The following MAP6 variants were observed in gnomAD, a reference collection of about 807,000 sequenced individuals.
MAP6 encodes the protein microtubule associated protein 6.
A neutral mutation model predicts 42.4 loss-of-function variants in MAP6; 26 were observed. That is an observed-to-expected ratio of 0.61 (90% CI 0.45 to 0.85). MAP6 has a LOEUF of 0.85. MAP6 is among the 40% of genes least tolerant of loss of function. The pLI is 0.00. For missense variants in MAP6, 966 were observed against 1,099.0 expected (o/e 0.88, Z 1.71); for synonymous variants, 418 against 443.8 (o/e 0.94, Z 0.73).
chr11:75,617,281 C>T (rs951076555), intron 1 of MAP6, among the ~76,000 whole-genome samples: 1 of 152,124 alleles, frequency 6.6e-6, no homozygotes, highest in Non-Finnish European at 1.5e-5. Flanking sequence ...CCCTGGGAGG[C>T]CAAGGCCGGC....
intron 3 of MAP6, among the ~76,000 whole-genome samples, chr11:75,588,581 C>A (rs1251460789): frequency 6.6e-6 from 1 of 152,152 alleles, no homozygotes; most frequent in Non-Finnish European, 1.5e-5. Context: ...GGAGCCCCAT[C>A]TCAGCTGCCC....
chr11:75,593,863 C>A (rs1942526591), intron 3 of MAP6, among the ~76,000 whole-genome samples: 1 of 152,210 alleles, frequency 6.6e-6, no homozygotes, highest in African/African-American at 2.4e-5. Flanking sequence ...GCTTGAGGCC[C>A]AGAGAGCTGG....
At position 75,668,560 on chromosome 11, in the gene MAP6, G is replaced by A. The variant is rs1309141432; in HGVS notation, c.-191C>T. The A allele has an allele frequency of 1.4e-6, 1 of 693,752 alleles. No individual in the cohort carries two copies. The highest frequency in any genetic ancestry group is 2.0e-6 in the Non-Finnish European group (1 of 498,756). 43.0% of individuals were successfully genotyped at this position (693,752 alleles called of 1,614,324 possible). The stretch of plus-strand genomic sequence containing the variant: ...GAGAGCTGTCCTAGGAGAGTCTGTA[G>A]AGTCCCTCGATTACCGGTCGCAAAC... On this transcript the variant is annotated 5_prime_UTR_variant, in exon 1 of 4. Transcript: ENST00000304771.
intron 3 of MAP6, among the ~76,000 whole-genome samples, chr11:75,589,244 G>T (rs1188196428): frequency 6.6e-6 from 1 of 152,166 alleles, no homozygotes; most frequent in Admixed American, 6.5e-5. Context: ...CCTCACTGTG[G>T]CCGTCTGCCT....
Position 75,598,675 on chromosome 11 carries a change from A to T in MAP6, c.1316+7133T>A, listed in dbSNP as rs143807058. Among the ~76,000 whole-genome samples the T allele has an allele frequency of 1.1e-4, 17 of 152,338 alleles. No individual in the cohort carries two copies. In the East Asian group the frequency reaches 3.3e-3, roughly 29 times the overall value. The stretch of plus-strand genomic sequence containing the variant: ...GTGGAGGCAGACAGTGAATCTCATC[A>T]TTCATTCACTCACTCATTTTTCATT... On this transcript the variant is annotated intron_variant, in intron 3 of 3. Transcript: ENST00000304771.
intron 1 of MAP6, among the ~76,000 whole-genome samples, chr11:75,646,921 G>A (rs1303965213): frequency 6.6e-6 from 1 of 152,028 alleles, no homozygotes; most frequent in Non-Finnish European, 1.5e-5. Flanking sequence ...AAGCAAAGAT[G>A]AGGTAAAATA....
chr11:75,615,547 C>A (rs1049129873), intron 1 of MAP6, among the ~76,000 whole-genome samples: 3 of 152,184 alleles, frequency 2.0e-5, no homozygotes, highest in Admixed American at 6.5e-5. Flanking sequence ...CTTCCCTCCA[C>A]AGACCTTGTT....
intron 1 of MAP6, among the ~76,000 whole-genome samples, chr11:75,666,793 C>G (rs919766651): frequency 1.2e-4 from 19 of 152,280 alleles, no homozygotes; most frequent in African/African-American, 4.3e-4. Context: ...TAAGAGATGT[C>G]TATTACCAAT....
chr11:75,653,534 G>T (rs1007839398), intron 1 of MAP6, among the ~76,000 whole-genome samples: 2 of 152,188 alleles, frequency 1.3e-5, no homozygotes, highest in Admixed American at 1.3e-4. Context: ...TCAAAGCACA[G>T]AAACATTTCT....
chr11:75,668,311 T>A lies in MAP6; in HGVS notation c.59A>T (p.Asp20Val). The change falls in exon 1 of 4, where the codon GAC (aspartate) becomes GTC (valine). Residue 20 changes from aspartate (D) to valine (V), a missense_variant. This residue lies in a region of MAP6 where 23 missense variants were observed against 49.1 expected (regional missense o/e 0.47). Coordinates refer to ENST00000304771, the MANE Select transcript of MAP6 (RefSeq NM_033063.2). ...CCIARFWNQL[D>V]KADIAVPLVF... ...CAGCGGCACAGCGATGTCCGCTTTG[T>A]CCAACTGGTTCCAGAAGCGGGCGAT... 1.9e-6 allele frequency: 3 copies of A among 1,576,902 alleles called. No homozygotes were observed. The highest frequency in any genetic ancestry group is 2.6e-6 in the Non-Finnish European group (3 of 1,169,204).
rs116468441 is a variant in MAP6, at chr11:75,661,284, G to A, written c.905+6181C>T. On this transcript the variant is annotated intron_variant, in intron 1 of 3. Transcript: ENST00000304771. The stretch of plus-strand genomic sequence containing the variant: ...AGAATTTTATCAGATATTTGAGGAG[G>A]AGCCCTTCTTATATAAACTTTTTCA... 3.1e-3 allele frequency among the ~76,000 whole-genome samples: 474 copies of A among 152,148 alleles called. 1 individual carries two copies. The highest frequency in any genetic ancestry group is 0.011 in the African/African-American group (444 of 41,542).
chr11:75,668,147 C>T lies in MAP6; in HGVS notation c.223G>A (p.Glu75Lys). 8.2e-7 allele frequency: 1 copy of T among 1,220,304 alleles called. No individual in the cohort carries two copies. The highest frequency in any genetic ancestry group is 1.0e-6 in the Non-Finnish European group (1 of 985,330). The allele number at this position is 1,220,304 out of a possible 1,614,324, so 75.6% of individuals were successfully genotyped here. The change falls in exon 1 of 4, where the codon GAG (glutamate) becomes AAG (lysine). Residue 75 changes from glutamate (E) to lysine (K), a missense_variant. Physicochemically the swap from Glu to Lys is moderately conservative, Grantham distance 56 (BLOSUM62 1). Coordinates refer to ENST00000304771, the MANE Select transcript of MAP6 (RefSeq NM_033063.2). Reference sequence around the variant, plus strand: ...GTTGCCCGGGCAACTGCATCCAACTCGCCCTGGGCTGGCTGCGTCTCTATG... The same window carrying T: ...GTTGCCCGGGCAACTGCATCCAACTTGCCCTGGGCTGGCTGCGTCTCTATG... ...VAIETQPAQG[E>K]LDAVARATGP...
At chr11:75,624,671 C>G (rs982939990) in intron 1 of MAP6, among the ~76,000 whole-genome samples, 4 of 151,882 alleles carry the variant, frequency 2.6e-5, no homozygotes, top group African/African-American at 9.7e-5. Flanking sequence ...AAATATAGGC[C>G]AAAAAAGGGA....
intron 1 of MAP6, among the ~76,000 whole-genome samples, chr11:75,656,641 CT>C (rs1943754299): frequency 6.6e-6 from 1 of 152,154 alleles, no homozygotes. Flanking sequence ...CCTCAGCATT[CT>C]TTTCTTCTCA....
intron 1 of MAP6, among the ~76,000 whole-genome samples, chr11:75,620,575 C>A (rs547696070): frequency 1.3e-5 from 2 of 151,752 alleles, no homozygotes; most frequent in African/African-American, 4.8e-5. Flanking sequence ...TTCCCTGATG[C>A]CCTGATACCA....
At chr11:75,599,678 CTGTGGGG>C (rs1480751909) in intron 3 of MAP6, among the ~76,000 whole-genome samples, 5 of 152,172 alleles carry the variant, frequency 3.3e-5, no homozygotes, top group Non-Finnish European at 7.3e-5. Context: ...GAGTGTGGCA[CTGTGGGG>C]TATGGGCTTA....
Position 75,667,528 on chromosome 11 carries a change from G to C in MAP6, c.842C>G (p.Ala281Gly), listed in dbSNP as rs1040067317. Residue 281 changes from alanine (A) to glycine (G), a missense_variant, in exon 1 of 4, where the codon GCG (alanine) becomes GGG (glycine). Physicochemically the swap from Ala to Gly is moderately conservative, Grantham distance 60. Around this residue, in one of 2 missense-constraint regions of MAP6, gnomAD observed 943 missense variants for 1,049.9 expected, o/e 0.90. Coordinates refer to ENST00000304771, the MANE Select transcript of MAP6 (RefSeq NM_033063.2). The surrounding 1 kb of genome is among the most constrained non-coding windows in gnomAD (Gnocchi z 5.6). ...GATTTGCCGGTTGAGGGCGTCCGCCGCGGCGCGCCCCCTGCCAGCCTCGGG... is the reference window on the plus strand; with the variant it reads ...GATTTGCCGGTTGAGGGCGTCCGCCCCGGCGCGCCCCCTGCCAGCCTCGGG... ...TGPEAGRGRA[A>G]ADALNRQIRE... 2 of 1,497,844 alleles carry C rather than the reference G, an allele frequency of 1.3e-6. No homozygotes were observed. Among genetic ancestry groups the C allele is most frequent in the African/African-American group, 2.9e-5 (2 of 68,920 alleles). 92.8% of individuals were successfully genotyped at this position (1,497,844 alleles called of 1,614,324 possible).
intron 3 of MAP6, chr11:75,605,493 T>G: frequency 8.9e-7 from 1 of 1,125,598 alleles, no homozygotes; most frequent in South Asian, 2.5e-5. Flanking sequence ...TGCCGGGAGA[T>G]TCGTTTCGCC....
chr11:75,599,040 G>A (rs1188798006), intron 3 of MAP6: 2 of 152,192 alleles, frequency 1.3e-5, no homozygotes, highest in African/African-American at 2.4e-5. Context: ...ATGGTGCACC[G>A]AGGGAACAAG....
Sources: allele counts gnomAD v4.1 joint callset (sites outside exome capture counted in the v4.1 genomes callset), GRCh38; gene constraint gnomAD v4.1.1; regional missense constraint gnomAD v4.1.1; non-coding constraint Gnocchi (gnomAD v3.1); transcripts MANE v1.5; gene names NCBI Gene and HGNC (gene_info 2026-07-23, HGNC 2026-07-21).